KCNAB1: variants seen among roughly 807,000 people sequenced by gnomAD.
The protein encoded by KCNAB1 is potassium voltage-gated channel subfamily A regulatory beta subunit 1.
Under a neutral mutation model 64.6 loss-of-function variants are expected in KCNAB1, and 35 were observed. The ratio of observed to expected loss-of-function variants is 0.54; its 90% confidence interval spans 0.41 to 0.72. KCNAB1 has a LOEUF of 0.72. Ranked by LOEUF, KCNAB1 falls within the 30% of genes least tolerant of loss-of-function variation. KCNAB1 has a pLI of 0.00. For missense variants in KCNAB1, 401 were observed against 512.9 expected (o/e 0.78, Z 2.11); for synonymous variants, 177 against 183.8 (o/e 0.96, Z 0.30).
At chr3:156,342,745 A>G (rs986348110) in intron 1 of KCNAB1, among the ~76,000 whole-genome samples, 14 of 151,824 alleles carry the variant, frequency 9.2e-5, no homozygotes, top group East Asian at 1.9e-4. Context: ...ATATCTCCCA[A>G]TGAAAGCTCC....
intron 1 of KCNAB1, among the ~76,000 whole-genome samples, chr3:156,283,122 T>A (rs1297443584): frequency 2.0e-5 from 3 of 151,820 alleles, no homozygotes; most frequent in African/African-American, 7.3e-5. Context: ...CCTTTCCATG[T>A]TTAGTGCTTC....
At chr3:156,408,440 C>A (rs1714407229) in intron 1 of KCNAB1, among the ~76,000 whole-genome samples, 1 of 152,158 alleles carries the variant, frequency 6.6e-6, no homozygotes, top group South Asian at 2.1e-4. Context: ...ACAAGAGTGC[C>A]TACTCAGAAT....
At chr3:156,515,015 A>G in intron 9 of KCNAB1, 85 bp from the exon 10 acceptor site, 2 of 1,364,036 alleles carry the variant, frequency 1.5e-6, no homozygotes, top group East Asian at 2.5e-5. Flanking sequence ...ATTTCACCAA[A>G]GTAAACATTT....
At chr3:156,151,358 A>G (rs1715399413) in intron 1 of KCNAB1, among the ~76,000 whole-genome samples, 2 of 152,182 alleles carry the variant, frequency 1.3e-5, no homozygotes, top group Admixed American at 6.5e-5. Flanking sequence ...TTTAAAATAT[A>G]GATGCTTTTT....
chr3:156,263,185 T>C (rs1206640627), intron 1 of KCNAB1, among the ~76,000 whole-genome samples: 1 of 151,976 alleles, frequency 6.6e-6, no homozygotes, highest in Non-Finnish European at 1.5e-5. Context: ...TACTTTTCAC[T>C]TTCTTTTTTA....
intron 13 of KCNAB1, among the ~76,000 whole-genome samples, chr3:156,533,363 A>T (rs1043424642): frequency 6.6e-6 from 1 of 152,160 alleles, no homozygotes; most frequent in Admixed American, 6.5e-5. Flanking sequence ...AGTGCATTCC[A>T]GGGACAGGGA....
chr3:156,174,062 C>T (rs1209827770), intron 1 of KCNAB1, among the ~76,000 whole-genome samples: 10 of 152,118 alleles, frequency 6.6e-5, no homozygotes, highest in South Asian at 2.1e-4. Flanking sequence ...TGCAGACTAC[C>T]GATTATGGGA....
intron 1 of KCNAB1, among the ~76,000 whole-genome samples, chr3:156,158,054 A>G (rs1184406717): frequency 1.3e-5 from 2 of 151,730 alleles, no homozygotes; most frequent in African/African-American, 2.4e-5. Flanking sequence ...AGTCCCAGCT[A>G]CTGGGAAGGC....
intron 1 of KCNAB1, among the ~76,000 whole-genome samples, chr3:156,264,109 T>C (rs1318623853): frequency 1.3e-5 from 2 of 152,162 alleles, no homozygotes; most frequent in Non-Finnish European, 2.9e-5. Context: ...TATACATTTA[T>C]AATTGTCATA....
At chr3:156,312,725 A>AAAAAAAAAAAAAC (rs1722004488) in intron 1 of KCNAB1, among the ~76,000 whole-genome samples, 1 of 150,988 alleles carries the variant, frequency 6.6e-6, no homozygotes, top group South Asian at 2.1e-4. Flanking sequence ...AAAAAAAAAA[A>AAAAAAAAAAAAAC]AAAAAACTCA....
At chr3:156,334,704 C>A (rs1022964230) in intron 1 of KCNAB1, among the ~76,000 whole-genome samples, 1 of 152,106 alleles carries the variant, frequency 6.6e-6, no homozygotes, top group African/African-American at 2.4e-5. Flanking sequence ...TTTTCTCATA[C>A]CAATAGAAAT....
At chr3:156,334,299 C>T (rs1330906388) in intron 1 of KCNAB1, among the ~76,000 whole-genome samples, 1 of 152,162 alleles carries the variant, frequency 6.6e-6, no homozygotes, top group Non-Finnish European at 1.5e-5. Context: ...GGTAACCTTC[C>T]CTGACCAGTG....
At chr3:156,533,480 C>A (rs1302121851) in intron 13 of KCNAB1, among the ~76,000 whole-genome samples, 1 of 152,176 alleles carries the variant, frequency 6.6e-6, no homozygotes, top group Non-Finnish European at 1.5e-5. Flanking sequence ...ACAGCAGATG[C>A]ACTGACGTGG....
Position 156,537,085 on chromosome 3 carries a change from A to ATAT in KCNAB1, c.*340_*342dup, listed in dbSNP as rs1719106252. On this transcript the variant is annotated 3_prime_UTR_variant, in exon 14 of 14. Transcript: ENST00000490337. ...GTAACTCAAAGAAGGCTGTACAGAT[A>ATAT]TATTTTTTCAAAAGAACAAAATCCA... is the stretch of plus-strand genomic sequence containing the variant. The ATAT allele has an allele frequency of 1.7e-5, 7 of 404,768 alleles. No individual in the cohort carries two copies. Among genetic ancestry groups the ATAT allele is most frequent in the Non-Finnish European group, 2.6e-5 (6 of 230,030 alleles). The allele number at this position is 404,768 out of a possible 1,614,324, so 25.1% of individuals were successfully genotyped here. A position where few individuals can be genotyped will look rare whatever the true frequency, so the allele number is the denominator to read the frequency against.
chr3:156,379,873 AT>A (rs1431488563), intron 1 of KCNAB1, among the ~76,000 whole-genome samples: 1 of 152,044 alleles, frequency 6.6e-6, no homozygotes, highest in African/African-American at 2.4e-5. Context: ...GTAAGCAACA[AT>A]TTTTTTCCAG....
At chr3:156,292,016 C>T in intron 1 of KCNAB1, 2 of 1,614,102 alleles carry the variant, frequency 1.2e-6, no homozygotes, top group Non-Finnish European at 1.7e-6. Flanking sequence ...GAACGCAGCC[C>T]GGGCCAAATT....
At chr3:156,389,776 C>T (rs1466528776) in intron 1 of KCNAB1, among the ~76,000 whole-genome samples, 2 of 152,222 alleles carry the variant, frequency 1.3e-5, no homozygotes, top group Non-Finnish European at 2.9e-5. Context: ...CACTTATGCA[C>T]TTGGGGAAAT....
At chr3:156,130,194 A>G (rs1713909336) in intron 1 of KCNAB1, among the ~76,000 whole-genome samples, 1 of 152,220 alleles carries the variant, frequency 6.6e-6, no homozygotes, top group Admixed American at 6.5e-5. Context: ...ATAAACCACT[A>G]TCTATGTGTT....
chr3:156,420,139 C>T (rs1272688726), intron 1 of KCNAB1, among the ~76,000 whole-genome samples: 1 of 152,194 alleles, frequency 6.6e-6, no homozygotes, highest in African/African-American at 2.4e-5. Flanking sequence ...GGGTAGGAGT[C>T]AGAAAGCACC....
Sources: gnomAD v4.1 joint callset for allele counts (sites outside exome capture counted in the v4.1 genomes callset) on GRCh38, gnomAD v4.1.1 for gene constraint, MANE v1.5 for transcripts, NCBI Gene and HGNC (gene_info 2026-07-23, HGNC 2026-07-21) for gene names.